Variants in MMP26 observed in about 807,000 individuals in gnomAD.
MMP26 encodes the protein matrix metallopeptidase 26.
Under a neutral mutation model 31.0 loss-of-function variants are expected in MMP26, and 33 were observed. That is an observed-to-expected ratio of 1.06 (90% CI 0.81 to 1.42). The LOEUF (loss-of-function observed/expected upper bound fraction) is 1.42. Among genes scored for constraint, MMP26 ranks in the 40% most tolerant of loss-of-function variants. The pLI is 0.00. For synonymous variants in MMP26, 122 were observed against 114.9 expected (o/e 1.06, Z -0.40); for missense variants, 347 against 316.1 (o/e 1.10, Z -0.74).
intron 1 of MMP26, among the ~76,000 whole-genome samples, chr11:4,726,229 C>T (rs1158247366): frequency 2.0e-5 from 3 of 152,136 alleles, no homozygotes; most frequent in Non-Finnish European, 4.4e-5. Context: ...GTAATCCCAG[C>T]ACTTTGGGAG....
intron 2 of MMP26, among the ~76,000 whole-genome samples, chr11:4,778,636 A>G (rs1848819859): frequency 1.3e-5 from 2 of 152,082 alleles, no homozygotes; most frequent in Admixed American, 6.6e-5. Context: ...ATTTTAGAAT[A>G]ACCACTGTAG....
At chr11:4,952,714 C>A (rs1846386414) in intron 2 of MMP26, among the ~76,000 whole-genome samples, 1 of 124,856 alleles carries the variant, frequency 8.0e-6, no homozygotes, top group Admixed American at 8.9e-5. Flanking sequence ...TCAATCTCTT[C>A]AACTAAAATA....
intron 2 of MMP26, among the ~76,000 whole-genome samples, chr11:4,983,908 G>A (rs1175295672): frequency 6.6e-6 from 1 of 152,122 alleles, no homozygotes; most frequent in Non-Finnish European, 1.5e-5. Flanking sequence ...ATCCACAGGC[G>A]ATTCTATGCA....
At chr11:4,737,547 G>A (rs1450337872) in intron 1 of MMP26, among the ~76,000 whole-genome samples, 1 of 152,224 alleles carries the variant, frequency 6.6e-6, no homozygotes, top group African/African-American at 2.4e-5. Context: ...GGAGGCTGAG[G>A]CAGGAGAATC....
intron 2 of MMP26, chr11:4,973,779 T>C (rs1846699119): frequency 6.4e-6 from 1 of 156,694 alleles, no homozygotes. Context: ...ACAGTGTACA[T>C]GAGACATATG....
At chr11:4,860,338 G>C (rs1055117575) in intron 2 of MMP26, 4 of 471,230 alleles carry the variant, frequency 8.5e-6, no homozygotes, top group Non-Finnish European at 1.3e-5. Context: ...GGTGGACATG[G>C]AGAGACTAAC....
intron 2 of MMP26, among the ~76,000 whole-genome samples, chr11:4,899,004 C>A (rs1363180224): frequency 6.6e-6 from 1 of 152,080 alleles, no homozygotes; most frequent in African/African-American, 2.4e-5. Context: ...CTGGAACAAC[C>A]CTTCAGGATT....
At chr11:4,747,440 T>C (rs1002851710) in intron 1 of MMP26, among the ~76,000 whole-genome samples, 1 of 152,190 alleles carries the variant, frequency 6.6e-6, no homozygotes, top group Admixed American at 6.5e-5. Flanking sequence ...TATCTATGCA[T>C]ATAAATATAA....
At chr11:4,990,402 C>A (rs1846980169) in intron 4 of MMP26, among the ~76,000 whole-genome samples, 196 bp from the exon 5 acceptor site, 1 of 152,088 alleles carries the variant, frequency 6.6e-6, no homozygotes, top group Non-Finnish European at 1.5e-5. Flanking sequence ...TGTTAAAATT[C>A]TTAGAAATCT....
intron 2 of MMP26, among the ~76,000 whole-genome samples, chr11:4,917,586 G>A (rs1851117113): frequency 6.6e-6 from 1 of 152,166 alleles, no homozygotes; most frequent in Non-Finnish European, 1.5e-5. Flanking sequence ...CTGTCCACCT[G>A]AAGATCATAT....
chr11:4,768,372 G>A (rs1848658811), intron 2 of MMP26, among the ~76,000 whole-genome samples: 1 of 152,146 alleles, frequency 6.6e-6, no homozygotes, highest in African/African-American at 2.4e-5. Context: ...TATCCATGAA[G>A]AAAACAGCTA....
At chr11:4,763,499 A>C (rs188219606) in intron 1 of MMP26, among the ~76,000 whole-genome samples, 5 of 152,264 alleles carry the variant, frequency 3.3e-5, no homozygotes, top group African/African-American at 1.2e-4. Context: ...TACTAATAAA[A>C]GAAACTAATT....
At chr11:4,941,688 G>A (rs1330858009) in intron 2 of MMP26, among the ~76,000 whole-genome samples, 1 of 152,106 alleles carries the variant, frequency 6.6e-6, no homozygotes, top group Non-Finnish European at 1.5e-5. Flanking sequence ...CTATTAGATG[G>A]AAGCAAATCT....
intron 2 of MMP26, among the ~76,000 whole-genome samples, chr11:4,941,745 A>T (rs1364804826): frequency 2.2e-5 from 1 of 44,530 alleles, no homozygotes; most frequent in East Asian, 1.1e-3. Flanking sequence ...TTTTATAAAA[A>T]GGAAAAAATA....
At chr11:4,948,179 CTTTATG>C (rs1433937008) in intron 2 of MMP26, among the ~76,000 whole-genome samples, 9 of 124,982 alleles carry the variant, frequency 7.2e-5, no homozygotes, top group African/African-American at 2.4e-4. Context: ...GGTAATAAGA[CTTTATG>C]TTTAAGAATC....
At chr11:4,838,423 T>A (rs924662315) in intron 2 of MMP26, among the ~76,000 whole-genome samples, 2 of 146,732 alleles carry the variant, frequency 1.4e-5, no homozygotes, top group African/African-American at 5.0e-5. Flanking sequence ...ACTTTTAACA[T>A]GTAAATCCTT....
intron 2 of MMP26, among the ~76,000 whole-genome samples, chr11:4,768,348 T>A (rs193057589): frequency 1.3e-5 from 2 of 152,330 alleles, no homozygotes; most frequent in East Asian, 3.9e-4. Context: ...ATTCCTACCT[T>A]TTGTATTATG....
chr11:4,956,610 A>C (rs1367590811), intron 2 of MMP26, among the ~76,000 whole-genome samples: 1 of 152,194 alleles, frequency 6.6e-6, no homozygotes, highest in Non-Finnish European at 1.5e-5. Context: ...TTGATTCTGC[A>C]TTCAAGGAAG....
At chr11:4,921,743 G>A (rs372485793) in intron 2 of MMP26, among the ~76,000 whole-genome samples, 18 of 152,270 alleles carry the variant, frequency 1.2e-4, no homozygotes, top group Admixed American at 4.6e-4. Context: ...ATGCAAAAGC[G>A]GTTATGTTTG....
Sources: allele counts gnomAD v4.1 joint callset (sites outside exome capture counted in the v4.1 genomes callset), GRCh38; gene constraint gnomAD v4.1.1; transcripts MANE v1.5; gene names NCBI Gene and HGNC (gene_info 2026-07-23, HGNC 2026-07-21).